Variants in CELF4 observed in about 807,000 individuals in gnomAD.
CELF4 encodes CUG-BP- and ETR-3-like factor 4.
Under a neutral mutation model 59.9 loss-of-function variants are expected in CELF4, and 18 were observed. The observed-to-expected ratio is 0.30, with a 90% CI of 0.21 to 0.45. The LOEUF (loss-of-function observed/expected upper bound fraction) is 0.45. Among genes scored for constraint, CELF4 ranks in the 20% least tolerant of loss-of-function variants. The probability of loss-of-function intolerance (pLI) is 1.00; values close to 1 mark genes in which losing one functional copy is unlikely to be tolerated. For synonymous variants in CELF4, 261 were observed against 267.1 expected (o/e 0.98, Z 0.22); for missense variants, 456 against 689.0 (o/e 0.66, Z 3.79).
intron 2 of CELF4, among the ~76,000 whole-genome samples, chr18:37,340,862 A>T (rs920364647): frequency 6.6e-6 from 1 of 152,234 alleles, no homozygotes; most frequent in African/African-American, 2.4e-5. Context: ...GCCTCTGCTG[A>T]CTGGAGGCTC....
chr18:37,423,119 G>C (rs909091860), intron 2 of CELF4, among the ~76,000 whole-genome samples: 2 of 151,652 alleles, frequency 1.3e-5, no homozygotes, highest in African/African-American at 2.4e-5. Flanking sequence ...CAGACAGACA[G>C]ACAGAGAGAG....
At chr18:37,279,586 C>T (rs994458994) in intron 3 of CELF4, among the ~76,000 whole-genome samples, 10 of 152,330 alleles carry the variant, frequency 6.6e-5, no homozygotes, top group Middle Eastern at 6.8e-3. Flanking sequence ...GGACTCTGTT[C>T]CAAGCATTGC....
intron 1 of CELF4, among the ~76,000 whole-genome samples, chr18:37,496,481 C>A (rs2099925347): frequency 6.6e-6 from 1 of 152,206 alleles, no homozygotes; most frequent in Non-Finnish European, 1.5e-5. Context: ...CTGGCTTCTT[C>A]CTAACAGGCT....
chr18:37,301,211 T>C (rs949189640), intron 3 of CELF4, among the ~76,000 whole-genome samples: 1 of 151,818 alleles, frequency 6.6e-6, no homozygotes, highest in South Asian at 2.1e-4. Flanking sequence ...ATGTGGGAGG[T>C]GAGGGCTGGA....
At chr18:37,497,629 A>T (rs2099926643) in intron 1 of CELF4, among the ~76,000 whole-genome samples, 1 of 149,866 alleles carries the variant, frequency 6.7e-6, no homozygotes, top group South Asian at 2.1e-4. Flanking sequence ...TCCAGCCTCG[A>T]TGACAGAACG....
intron 3 of CELF4, among the ~76,000 whole-genome samples, chr18:37,289,169 G>T (rs1339557984): frequency 6.6e-6 from 1 of 152,086 alleles, no homozygotes; most frequent in Non-Finnish European, 1.5e-5. Flanking sequence ...GGATCGTGGG[G>T]TGAGAAGGGA....
intron 3 of CELF4, among the ~76,000 whole-genome samples, chr18:37,320,951 G>C (rs1334700618): frequency 1.3e-5 from 2 of 152,144 alleles, no homozygotes; most frequent in East Asian, 3.9e-4. Context: ...GATCTTGGAT[G>C]CTGGATGTAT....
At chr18:37,540,417 T>G (rs1295590570) in intron 1 of CELF4, among the ~76,000 whole-genome samples, 1 of 138,578 alleles carries the variant, frequency 7.2e-6, no homozygotes, top group African/African-American at 2.7e-5. Flanking sequence ...GCCTCAGGCA[T>G]TTGGTCATGG....
At chr18:37,491,127 C>A (rs1323733385) in intron 1 of CELF4, among the ~76,000 whole-genome samples, 1 of 151,978 alleles carries the variant, frequency 6.6e-6, no homozygotes, top group Non-Finnish European at 1.5e-5. Flanking sequence ...CCTCTTCTCA[C>A]CCGAGAGGGG....
At chr18:37,278,756 G>A (rs572479989) in intron 3 of CELF4, among the ~76,000 whole-genome samples, 3 of 152,306 alleles carry the variant, frequency 2.0e-5, no homozygotes, top group East Asian at 3.9e-4. Context: ...GTCAAAGAGG[G>A]TGAGAGGAGA....
chr18:37,552,126 G>T (rs891730253), intron 1 of CELF4, among the ~76,000 whole-genome samples: 1 of 152,194 alleles, frequency 6.6e-6, no homozygotes, highest in Non-Finnish European at 1.5e-5. Flanking sequence ...TCTTTCGGGG[G>T]TTCCCACATC....
At chr18:37,267,760 G>A (rs1330377634) in intron 8 of CELF4, among the ~76,000 whole-genome samples, 1 of 152,034 alleles carries the variant, frequency 6.6e-6, no homozygotes, top group Non-Finnish European at 1.5e-5. Flanking sequence ...CCTGGGCTGG[G>A]CACGGTGGCT....
In CELF4 at chr18:37,270,921, G is replaced by T; in HGVS notation, c.950-4C>A. 1 of 1,601,794 alleles carries T rather than the reference G, an allele frequency of 6.2e-7. No individual in the cohort carries two copies. ...ATGCCCGGAGGGGTGCTGCCACCTG[G>T]TTCCAGGCATACAGAAGGGTGGAGG... On this transcript the variant is annotated splice_polypyrimidine_tract_variant and splice_region_variant and intron_variant, in intron 7 of 12. Coordinates refer to ENST00000420428, the MANE Select transcript of CELF4 (RefSeq NM_020180.4).
At chr18:37,461,138 C>G (rs1178443125) in intron 2 of CELF4, among the ~76,000 whole-genome samples, 1 of 152,184 alleles carries the variant, frequency 6.6e-6, no homozygotes, top group Non-Finnish European at 1.5e-5. Flanking sequence ...CCCACAGAAG[C>G]AACTAGTTCA....
intron 2 of CELF4, among the ~76,000 whole-genome samples, chr18:37,459,258 T>A (rs1170286632): frequency 6.6e-6 from 1 of 152,170 alleles, no homozygotes; most frequent in East Asian, 1.9e-4. Context: ...TTCTCTTTGG[T>A]CCCAGTTTGT....
chr18:37,416,271 G>A (rs1438908727), intron 2 of CELF4, among the ~76,000 whole-genome samples: 1 of 151,970 alleles, frequency 6.6e-6, no homozygotes, highest in African/African-American at 2.4e-5. Flanking sequence ...CCTGCCATTT[G>A]AAGTATCTGA....
intron 9 of CELF4, among the ~76,000 whole-genome samples, chr18:37,265,175 C>T (rs1202255670): frequency 6.7e-6 from 1 of 148,932 alleles, no homozygotes; most frequent in Non-Finnish European, 1.5e-5. Flanking sequence ...CGTGCGTGTA[C>T]ATTACATGTG....
intron 2 of CELF4, among the ~76,000 whole-genome samples, chr18:37,444,355 G>C (rs984235639): frequency 5.3e-5 from 8 of 152,186 alleles, no homozygotes; most frequent in Admixed American, 3.9e-4. Flanking sequence ...GTAGGCAGCC[G>C]GGCAGGAGCT....
At chr18:37,256,259 G>T (rs1211948181) in intron 11 of CELF4, among the ~76,000 whole-genome samples, 2 of 152,186 alleles carry the variant, frequency 1.3e-5, no homozygotes, top group Non-Finnish European at 2.9e-5. Flanking sequence ...TTCCAACATA[G>T]GAACATTTGT....
Sources: gnomAD v4.1 joint callset for allele counts (sites outside exome capture counted in the v4.1 genomes callset) on GRCh38, gnomAD v4.1.1 for gene constraint, MANE v1.5 for transcripts, NCBI Gene and HGNC (gene_info 2026-07-23, HGNC 2026-07-21) for gene names.